Variants in RIMS2 observed in about 807,000 individuals in gnomAD.
RIMS2 encodes regulating synaptic membrane exocytosis 2.
Under a neutral mutation model 174.4 loss-of-function variants are expected in RIMS2, and 59 were observed. The observed-to-expected ratio is 0.34, with a 90% CI of 0.27 to 0.42. RIMS2 has a LOEUF of 0.42. Ranked by LOEUF, RIMS2 falls within the 10% of genes least tolerant of loss-of-function variation. RIMS2 has a pLI of 1.00. For missense variants in RIMS2, 1,620 were observed against 1,666.3 expected (o/e 0.97, Z 0.48); for synonymous variants, 606 against 572.5 (o/e 1.06, Z -0.84).
At chr8:103,686,871 C>T (rs1476493964) in intron 1 of RIMS2, among the ~76,000 whole-genome samples, 1 of 152,098 alleles carries the variant, frequency 6.6e-6, no homozygotes, top group Non-Finnish European at 1.5e-5. Context: ...AAGCAATCCT[C>T]CTGCCTCAGC....
chr8:103,868,567 A>G (rs1314447775), intron 3 of RIMS2, among the ~76,000 whole-genome samples: 2 of 152,154 alleles, frequency 1.3e-5, no homozygotes, highest in Non-Finnish European at 2.9e-5. Context: ...TAGCATGAAC[A>G]AATTCCCATG....
rs560064465 is a variant in RIMS2, at chr8:103,670,676, A to G, written c.177-26410A>G. On this transcript the variant is annotated intron_variant, in intron 1 of 23. Coordinates refer to ENST00000504942, the Ensembl canonical transcript of RIMS2. The stretch of plus-strand genomic sequence containing the variant: ...TTGCCAGTCTCTTTGCTAAAAAATA[A>G]CAAGAGTCAGCTTTGCTCCACTTCC... Among the ~76,000 whole-genome samples, 11 of 152,348 alleles carry G rather than the reference A, an allele frequency of 7.2e-5. No individual in the cohort carries two copies. In the South Asian group the frequency reaches 2.3e-3, roughly 32 times the overall value.
intron 1 of RIMS2, among the ~76,000 whole-genome samples, chr8:103,579,674 A>T (rs1209985055): frequency 6.6e-6 from 1 of 152,148 alleles, no homozygotes; most frequent in Non-Finnish European, 1.5e-5. Flanking sequence ...TATAAGCTTC[A>T]TGGTAACCAC....
intron 16 of RIMS2, among the ~76,000 whole-genome samples, chr8:103,982,274 A>G (rs1295960324): frequency 1.3e-5 from 2 of 152,160 alleles, no homozygotes; most frequent in African/African-American, 4.8e-5. Flanking sequence ...AGTAAAGAAA[A>G]GCCTGAACCC....
intron 2 of RIMS2, among the ~76,000 whole-genome samples, chr8:103,736,298 C>A (rs2097684746): frequency 2.6e-5 from 4 of 152,114 alleles, no homozygotes; most frequent in African/African-American, 9.7e-5. Context: ...TTCTGCAGAA[C>A]AATGTATAAT....
chr8:103,811,701 C>T (rs1360882265), intron 3 of RIMS2, among the ~76,000 whole-genome samples: 1 of 152,242 alleles, frequency 6.6e-6, no homozygotes, highest in Non-Finnish European at 1.5e-5. Context: ...CCACCTCGGC[C>T]TCCCAGAGTT....
chr8:104,124,025 G>A (rs1483749429), intron 19 of RIMS2, among the ~76,000 whole-genome samples: 2 of 152,112 alleles, frequency 1.3e-5, no homozygotes, highest in African/African-American at 4.8e-5. Context: ...TACACCAACT[G>A]CTATACTGAA....
intron 19 of RIMS2, among the ~76,000 whole-genome samples, chr8:104,158,765 G>A (rs1338255796): frequency 6.6e-6 from 1 of 151,854 alleles, no homozygotes; most frequent in East Asian, 1.9e-4. Flanking sequence ...TTGTAAATTT[G>A]TTTAAGTTCT....
intron 14 of RIMS2, among the ~76,000 whole-genome samples, chr8:103,949,611 A>G (rs565477205): frequency 1.4e-4 from 21 of 152,318 alleles, no homozygotes; most frequent in African/African-American, 4.6e-4. Flanking sequence ...CACCTAATGT[A>G]TCGATATTCA....
At chr8:103,975,112 G>T (rs565935810) in intron 15 of RIMS2, among the ~76,000 whole-genome samples, 1 of 152,088 alleles carries the variant, frequency 6.6e-6, no homozygotes, top group South Asian at 2.1e-4. Flanking sequence ...AAAGCTTTAC[G>T]CAGCACAATG....
At chr8:104,161,053 A>G (rs1003509561) in intron 19 of RIMS2, among the ~76,000 whole-genome samples, 1 of 152,086 alleles carries the variant, frequency 6.6e-6, no homozygotes, top group African/African-American at 2.4e-5. Context: ...CTATCCTCCT[A>G]CTCCATGAAG....
chr8:103,546,221 G>A (rs1256311644), intron 1 of RIMS2, among the ~76,000 whole-genome samples: 1 of 152,124 alleles, frequency 6.6e-6, no homozygotes, highest in African/African-American at 2.4e-5. Context: ...GAAAAAAACA[G>A]GAGTTGCTAT....
chr8:104,245,889 C>T (rs186724847), intron 20 of RIMS2, among the ~76,000 whole-genome samples: 6 of 152,152 alleles, frequency 3.9e-5, no homozygotes, highest in Non-Finnish European at 7.3e-5. Flanking sequence ...GGTTTCTCTA[C>T]ATTTGTAAGT....
At chr8:103,952,290 C>T (rs1465107714) in intron 14 of RIMS2, among the ~76,000 whole-genome samples, 1 of 152,184 alleles carries the variant, frequency 6.6e-6, no homozygotes, top group Non-Finnish European at 1.5e-5. Flanking sequence ...CAAGTGGGTC[C>T]CTGACCCCCA....
At chr8:103,860,058 T>G (rs1366894967) in intron 3 of RIMS2, among the ~76,000 whole-genome samples, 2 of 152,114 alleles carry the variant, frequency 1.3e-5, no homozygotes, top group Non-Finnish European at 2.9e-5. Context: ...ATAGGTCTAA[T>G]CAACATCATT....
intron 2 of RIMS2, among the ~76,000 whole-genome samples, chr8:103,743,730 T>C (rs2097782152): frequency 6.6e-6 from 1 of 152,202 alleles, no homozygotes; most frequent in South Asian, 2.1e-4. Flanking sequence ...CCATTAAGTA[T>C]AATCTTTGAC....
At chr8:103,635,492 G>T (rs2096054970) in intron 1 of RIMS2, among the ~76,000 whole-genome samples, 1 of 152,182 alleles carries the variant, frequency 6.6e-6, no homozygotes, top group Non-Finnish European at 1.5e-5. Context: ...TATGCTTGGT[G>T]CCCTTTCTAG....
chr8:103,696,424 T>G (rs1302213321), intron 1 of RIMS2, among the ~76,000 whole-genome samples: 1 of 152,190 alleles, frequency 6.6e-6, no homozygotes, highest in Non-Finnish European at 1.5e-5. Flanking sequence ...TCTGTATTTC[T>G]GAAGTTAAAT....
chr8:104,039,978 T>C (rs10096967), intron 19 of RIMS2, among the ~76,000 whole-genome samples: 1 of 151,348 alleles, frequency 6.6e-6, no homozygotes, highest in Non-Finnish European at 1.5e-5. Flanking sequence ...TGATATTAAA[T>C]TTCCAAATGT....
Sources: gnomAD v4.1 joint callset for allele counts (sites outside exome capture counted in the v4.1 genomes callset) on GRCh38, gnomAD v4.1.1 for gene constraint, MANE v1.5 for transcripts, NCBI Gene and HGNC (gene_info 2026-07-23, HGNC 2026-07-21) for gene names.